The following YWHAE variants were observed in gnomAD, a reference collection of about 807,000 sequenced individuals.
YWHAE encodes 14-3-3 protein epsilon.
Under a neutral mutation model 30.1 loss-of-function variants are expected in YWHAE, and 4 were observed. The observed-to-expected ratio is 0.13, with a 90% CI of 0.07 to 0.30. YWHAE has a LOEUF of 0.30. YWHAE is among the 10% of genes least tolerant of loss of function. The pLI, the probability that YWHAE is intolerant of heterozygous loss-of-function variation, is 1.00. For missense variants in YWHAE, 121 were observed against 315.9 expected (o/e 0.38, Z 4.68); for synonymous variants, 118 against 111.8 (o/e 1.06, Z -0.35).
intron 4 of YWHAE, among the ~76,000 whole-genome samples, chr17:1,359,811 GTTGT>G (rs1476937530): frequency 2.1e-5 from 2 of 96,412 alleles, no homozygotes; most frequent in Admixed American, 1.3e-4. Context: ...CCACTAAATT[GTTGT>G]GTGTGTGTGT....
intron 1 of YWHAE, chr17:1,398,926 C>T (rs1297624403): frequency 6.6e-6 from 1 of 152,176 alleles, no homozygotes; most frequent in Non-Finnish European, 1.5e-5. Flanking sequence ...GCAACAGGAT[C>T]TTCAACCTTC....
At chr17:1,398,751 G>C (rs1057193452) in intron 1 of YWHAE, 1 of 152,068 alleles carries the variant, frequency 6.6e-6, no homozygotes, top group Non-Finnish European at 1.5e-5. Context: ...CTGGGAGAGA[G>C]GATTAAGAAT....
chr17:1,370,411 G>A (rs547262964), intron 1 of YWHAE, among the ~76,000 whole-genome samples: 63 of 151,942 alleles, frequency 4.1e-4, no homozygotes, highest in Middle Eastern at 3.4e-3. Context: ...GATTACAGGC[G>A]TGAGCCACCG....
intron 1 of YWHAE, among the ~76,000 whole-genome samples, chr17:1,384,361 G>A (rs117408219): frequency 0.012 from 1,871 of 151,806 alleles, 28 homozygotes; most frequent in East Asian, 0.052. Context: ...GCAAGAGTGA[G>A]ACCACATCTC....
intron 3 of YWHAE, 61 bp downstream of exon 3, chr17:1,361,841 G>C (rs2072869493): frequency 8.9e-7 from 1 of 1,126,890 alleles, no homozygotes; most frequent in Admixed American, 2.6e-5. Flanking sequence ...ATAGAACAAA[G>C]TTATGGTTCT....
chr17:1,361,317 T>TAAA lies in YWHAE; in HGVS notation c.372-22_372-20dup, dbSNP rs55734488. ...CCCTTTCCTAAAACAAAACCAAAAT[T>TAAA]AAAAAAAAAAAAAAAATTTAAACTA... On this transcript the variant is annotated intron_variant, in intron 3 of 5. Coordinates refer to ENST00000264335, the MANE Select transcript of YWHAE (RefSeq NM_006761.5). 4.3e-5 allele frequency: 59 copies of TAAA among 1,358,680 alleles called. No individual in the cohort carries two copies. The highest frequency in any genetic ancestry group is 5.0e-5 in the Non-Finnish European group (50 of 1,006,824). 84.2% of individuals were successfully genotyped at this position (1,358,680 alleles called of 1,614,324 possible).
chr17:1,370,084 C>A lies in YWHAE; in HGVS notation c.65-5026G>T, dbSNP rs75618084. ...TTCCTGCATGATTTCTCTGTAGCAT[C>A]TGACGCTGTTGGACAGCATTTACCC... On this transcript the variant is annotated intron_variant, in intron 1 of 5. Transcript: ENST00000264335. Among the ~76,000 whole-genome samples, 565 of 146,112 alleles carry A rather than the reference C, an allele frequency of 3.9e-3. 5 individuals carry two copies. The highest frequency in any genetic ancestry group is 0.013 in the African/African-American group (533 of 39,592).
rs145966717 is a variant in YWHAE, at chr17:1,378,673, G to A, written c.65-13615C>T. 4.2e-4 allele frequency among the ~76,000 whole-genome samples: 64 copies of A among 152,302 alleles called. 1 individual carries two copies. The highest frequency in any genetic ancestry group is 8.5e-4 in the Admixed American group (13 of 15,288). On this transcript the variant is annotated intron_variant, in intron 1 of 5. Transcript: ENST00000264335. Reference sequence around the variant, plus strand: ...AAGAAATTCAGTACAGGCCAGGCACGGCGGCTCACGCCTGTAATCCCAGCA... The same window carrying A: ...AAGAAATTCAGTACAGGCCAGGCACAGCGGCTCACGCCTGTAATCCCAGCA...
intron 1 of YWHAE, among the ~76,000 whole-genome samples, chr17:1,383,201 T>G (rs1339866502): frequency 6.6e-6 from 1 of 151,040 alleles, no homozygotes; most frequent in African/African-American, 2.4e-5. Context: ...AAATACAAAA[T>G]TAGACAGGCA....
At position 1,347,449 on chromosome 17, in the gene YWHAE, TCC is replaced by T. The variant is rs386794396; in HGVS notation, c.716-1952_716-1951del. 5.8e-3 allele frequency among the ~76,000 whole-genome samples: 884 copies of T among 151,720 alleles called. 4 individuals carry two copies. The highest frequency in any genetic ancestry group is 8.4e-3 in the Non-Finnish European group (570 of 67,966). On this transcript the variant is annotated intron_variant, in intron 5 of 5. Transcript: ENST00000264335. ...CAGTGAGCTTTGAACGCCACTGCAC[TCC>T]AGGCGGGGCAACAAGAGCAAAACTC... is the stretch of plus-strand genomic sequence containing the variant.
At chr17:1,376,928 CTTTT>C (rs150653022) in intron 1 of YWHAE, among the ~76,000 whole-genome samples, 2 of 142,206 alleles carry the variant, frequency 1.4e-5, no homozygotes, top group Admixed American at 7.1e-5. Flanking sequence ...ATAACCCTAA[CTTTT>C]TTTTTTTTTT....
At chr17:1,354,556 A>G (rs2072695579) in intron 4 of YWHAE, among the ~76,000 whole-genome samples, 1 of 152,260 alleles carries the variant, frequency 6.6e-6, no homozygotes. Flanking sequence ...CTGATATGCT[A>G]TAATATACAT....
chr17:1,388,113 GGTTGGTTTTTTT>G (rs1428684611), intron 1 of YWHAE, among the ~76,000 whole-genome samples: 3 of 35,124 alleles, frequency 8.5e-5, no homozygotes, highest in Non-Finnish European at 1.5e-4. Context: ...TTTTTTTTTT[GGTTGGTTTTTTT>G]TTTTTTTTTT....
At chr17:1,368,075 A>AC (rs749509516) in intron 1 of YWHAE, among the ~76,000 whole-genome samples, 9 of 151,918 alleles carry the variant, frequency 5.9e-5, no homozygotes, top group Non-Finnish European at 1.2e-4. Flanking sequence ...ACATGGTGAC[A>AC]CCCCGTCTCT....
intron 2 of YWHAE, among the ~76,000 whole-genome samples, chr17:1,363,149 C>T (rs2072889220): frequency 6.6e-6 from 1 of 152,188 alleles, no homozygotes; most frequent in Admixed American, 6.5e-5. Flanking sequence ...CTGCTCCATA[C>T]TAGAAGTCTG....
intron 1 of YWHAE, among the ~76,000 whole-genome samples, chr17:1,369,899 T>C (rs2073004720): frequency 6.6e-6 from 1 of 152,156 alleles, no homozygotes; most frequent in Admixed American, 6.5e-5. Flanking sequence ...TGCTAATAAA[T>C]GCTAATGCTC....
At chr17:1,392,243 T>C (rs2073399391) in intron 1 of YWHAE, among the ~76,000 whole-genome samples, 1 of 152,056 alleles carries the variant, frequency 6.6e-6, no homozygotes, top group East Asian at 1.9e-4. Context: ...GGTATTGTGG[T>C]GCACAGCTGT....
At chr17:1,351,866 C>T (rs2072640273) in intron 5 of YWHAE, among the ~76,000 whole-genome samples, 1 of 152,112 alleles carries the variant, frequency 6.6e-6, no homozygotes, top group Admixed American at 6.5e-5. Context: ...CAGCTCACTG[C>T]AACCTCCACC....
rs541775977 is a variant in YWHAE at position 1,370,404 on chromosome 17, T to G, written c.65-5346A>C. On this transcript the variant is annotated intron_variant, in intron 1 of 5. Transcript: ENST00000264335. ...CCTTGGCCTCCCAAAGTGCTGGGATTACAGGCGTGAGCCACCGCGACTGGC... is the reference window on the plus strand; with the variant it reads ...CCTTGGCCTCCCAAAGTGCTGGGATGACAGGCGTGAGCCACCGCGACTGGC... Among the ~76,000 whole-genome samples the G allele has an allele frequency of 3.9e-5, 6 of 152,028 alleles. No homozygotes were observed. In the East Asian group the frequency reaches 5.9e-4, roughly 15 times the overall value.
Sources: allele counts gnomAD v4.1 joint callset (sites outside exome capture counted in the v4.1 genomes callset), GRCh38; gene constraint gnomAD v4.1.1; transcripts MANE v1.5; gene names NCBI Gene and HGNC (gene_info 2026-07-23, HGNC 2026-07-21).